The following HPSE2 variants were observed in gnomAD, a reference collection of about 807,000 sequenced individuals.
HPSE2 encodes the protein inactive heparanase-2.
HPSE2 carries 38 observed loss-of-function variants against 60.5 expected under a neutral mutation model. The ratio of observed to expected loss-of-function variants is 0.63; its 90% CI spans 0.48 to 0.82. The LOEUF (loss-of-function observed/expected upper bound fraction) is 0.82. HPSE2 is among the 40% of genes least tolerant of loss of function. The pLI is 0.00. For synonymous variants in HPSE2, 295 were observed against 293.2 expected, an observed-to-expected ratio of 1.01 and a Z score of -0.06; for missense variants, 713 against 740.4, an observed-to-expected ratio of 0.96 and a Z score of 0.43.
At chr10:98,532,216 T>C (rs1943152322) in intron 9 of HPSE2, among the ~76,000 whole-genome samples, 1 of 152,000 alleles carries the variant, frequency 6.6e-6, no homozygotes, top group Non-Finnish European at 1.5e-5. Context: ...ATGTTGGGAG[T>C]CTCTAGTATT....
At chr10:99,186,188 G>A (rs949077516) in intron 2 of HPSE2, among the ~76,000 whole-genome samples, 1 of 143,822 alleles carries the variant, frequency 7.0e-6, no homozygotes, top group African/African-American at 2.6e-5. Context: ...AAAAACCACA[G>A]ACAAAGAGAA....
At chr10:98,777,745 G>A (rs894579875) in intron 3 of HPSE2, among the ~76,000 whole-genome samples, 6 of 152,102 alleles carry the variant, frequency 3.9e-5, no homozygotes, top group Middle Eastern at 6.3e-3. Context: ...GTTTATGGAG[G>A]AGTCCCTGCC....
intron 3 of HPSE2, among the ~76,000 whole-genome samples, chr10:99,063,690 T>A (rs950121014): frequency 6.6e-6 from 1 of 152,180 alleles, no homozygotes; most frequent in Non-Finnish European, 1.5e-5. Flanking sequence ...TAATGGTAAA[T>A]AAATGCCTAT....
At chr10:99,106,665 G>C (rs1292656449) in intron 3 of HPSE2, among the ~76,000 whole-genome samples, 1 of 151,856 alleles carries the variant, frequency 6.6e-6, no homozygotes, top group Non-Finnish European at 1.5e-5. Context: ...TTACCTAAGG[G>C]CTTACTATAA....
chr10:98,922,044 C>T (rs1387702802), intron 3 of HPSE2, among the ~76,000 whole-genome samples: 1 of 152,108 alleles, frequency 6.6e-6, no homozygotes, highest in Non-Finnish European at 1.5e-5. Flanking sequence ...AAATTTTCTA[C>T]TAACCACAAG....
At chr10:98,942,494 T>C (rs1955040888) in intron 3 of HPSE2, among the ~76,000 whole-genome samples, 1 of 151,280 alleles carries the variant, frequency 6.6e-6, no homozygotes, top group South Asian at 2.1e-4. Flanking sequence ...TCACGATCAC[T>C]GGCCATCAGA....
At chr10:99,054,725 T>G (rs1478764525) in intron 3 of HPSE2, among the ~76,000 whole-genome samples, 1 of 152,220 alleles carries the variant, frequency 6.6e-6, no homozygotes, top group East Asian at 1.9e-4. Flanking sequence ...GTTTGTTCGT[T>G]TTTGAGACGG....
At chr10:99,142,059 C>T (rs150334923) in intron 3 of HPSE2, among the ~76,000 whole-genome samples, 40 of 152,172 alleles carry the variant, frequency 2.6e-4, no homozygotes, top group African/African-American at 8.7e-4. Context: ...TCATTGTGTT[C>T]GCACATAAAT....
At chr10:99,142,994 A>G (rs1316361846) in intron 3 of HPSE2, among the ~76,000 whole-genome samples, 1 of 152,138 alleles carries the variant, frequency 6.6e-6, no homozygotes. Flanking sequence ...ATGCACAAAT[A>G]CATATGAGGT....
chr10:99,006,724 G>A (rs1343989192), intron 3 of HPSE2, among the ~76,000 whole-genome samples: 1 of 152,232 alleles, frequency 6.6e-6, no homozygotes, highest in Admixed American at 6.5e-5. Context: ...AGGTTGGCCT[G>A]GTGCTATGTC....
chr10:98,924,686 C>T (rs11189870), intron 3 of HPSE2: 78,597 of 151,966 alleles, frequency 0.52, 21,516 homozygotes, highest in Non-Finnish European at 0.62. Context: ...GGAGGGATGA[C>T]TTCTCTTTAC....
At chr10:99,077,033 C>A (rs1221171420) in intron 3 of HPSE2, among the ~76,000 whole-genome samples, 3 of 152,128 alleles carry the variant, frequency 2.0e-5, no homozygotes, top group African/African-American at 7.2e-5. Flanking sequence ...TATATCATCC[C>A]TTTTCCTTCT....
At chr10:99,048,460 A>C (rs755614741) in intron 3 of HPSE2, 1 of 211,946 alleles carries the variant, frequency 4.7e-6, no homozygotes, top group Non-Finnish European at 9.4e-6. Context: ...ACAAGTGGCC[A>C]AGAAACATAT....
the HPSE2 span, among the ~76,000 whole-genome samples, chr10:99,244,852 T>G: frequency 1.3e-5 from 2 of 152,002 alleles, no homozygotes; most frequent in Admixed American, 6.6e-5. Context: ...ATAGAATATT[T>G]TACTTCTGCT....
chr10:98,475,027 C>T (rs781702122), intron 11 of HPSE2, among the ~76,000 whole-genome samples: 5 of 152,036 alleles, frequency 3.3e-5, no homozygotes, highest in African/African-American at 1.2e-4. Flanking sequence ...CATTCTGATC[C>T]GAAACATTCA....
intron 3 of HPSE2, among the ~76,000 whole-genome samples, chr10:99,093,085 G>GGTGTATGTGTTACA (rs935906446): frequency 6.6e-6 from 1 of 151,976 alleles, no homozygotes; most frequent in Non-Finnish European, 1.5e-5. Flanking sequence ...AAAATTAACC[G>GGTGTATGTGTTACA]GGCATGGTGG....
chr10:99,184,855 G>C (rs1412876943), intron 2 of HPSE2, among the ~76,000 whole-genome samples: 1 of 114,320 alleles, frequency 8.7e-6, no homozygotes, highest in Non-Finnish European at 2.0e-5. Context: ...GAGAGAGAGA[G>C]AGAGAGAGAC....
At chr10:99,037,231 C>A (rs111231297) in intron 3 of HPSE2, among the ~76,000 whole-genome samples, 5 of 152,172 alleles carry the variant, frequency 3.3e-5, no homozygotes, top group African/African-American at 1.2e-4. Context: ...AATATGACAA[C>A]TAAATTTAAT....
chr10:98,730,720 T>A (rs1949205901), intron 4 of HPSE2, among the ~76,000 whole-genome samples: 1 of 152,070 alleles, frequency 6.6e-6, no homozygotes, highest in Non-Finnish European at 1.5e-5. Flanking sequence ...AATGGTAAAT[T>A]TTTTTAAAAA....
Sources: gnomAD v4.1 joint callset for allele counts (sites outside exome capture counted in the v4.1 genomes callset) on GRCh38, gnomAD v4.1.1 for gene constraint, MANE v1.5 for transcripts, NCBI Gene and HGNC (gene_info 2026-07-23, HGNC 2026-07-21) for gene names.